EYS: variants seen among roughly 807,000 people sequenced by gnomAD.
The protein encoded by EYS is EGF-like photoreceptor maintenance factor.
EYS carries 250 observed loss-of-function variants against 282.1 expected under a neutral mutation model. That is an observed-to-expected ratio of 0.89 (90% CI 0.80 to 0.98). The LOEUF (loss-of-function observed/expected upper bound fraction) is 0.98, where lower values mean the gene tolerates loss of function less well. EYS is among the 50% of genes least tolerant of loss of function. The probability of loss-of-function intolerance (pLI) is 0.00; values close to 1 mark genes in which losing one functional copy is unlikely to be tolerated. For missense variants in EYS, 4,016 were observed against 3,709.0 expected, an observed-to-expected ratio of 1.08 and a Z score of -2.15; for synonymous variants, 1,355 against 1,282.9, an observed-to-expected ratio of 1.06 and a Z score of -1.20.
At chr6:64,977,518 C>T (rs72875932) in intron 14 of EYS, among the ~76,000 whole-genome samples, 10,261 of 151,886 alleles carry the variant, frequency 0.068, 442 homozygotes, top group East Asian at 0.13. Flanking sequence ...ACAATGACCT[C>T]TAAGTGATCA....
At chr6:64,034,602 C>A (rs947325563) in intron 33 of EYS, among the ~76,000 whole-genome samples, 23 of 152,118 alleles carry the variant, frequency 1.5e-4, no homozygotes, top group Non-Finnish European at 2.9e-4. Flanking sequence ...CAATTAACTC[C>A]CAGTCTGTGG....
At chr6:63,871,534 T>C (rs956942676) in intron 35 of EYS, among the ~76,000 whole-genome samples, 23 of 152,188 alleles carry the variant, frequency 1.5e-4, no homozygotes, top group African/African-American at 3.9e-4. Flanking sequence ...TGGTGGCACA[T>C]GCCTGTAATT....
intron 33 of EYS, among the ~76,000 whole-genome samples, chr6:64,043,178 A>T (rs1039754660): frequency 6.6e-6 from 1 of 152,206 alleles, no homozygotes; most frequent in African/African-American, 2.4e-5. Flanking sequence ...ATAAAATACC[A>T]TTTTCACCTA....
At chr6:64,735,186 C>T (rs894158582) in intron 22 of EYS, among the ~76,000 whole-genome samples, 2 of 152,172 alleles carry the variant, frequency 1.3e-5, no homozygotes, top group East Asian at 1.9e-4. Context: ...CGGGTTCACG[C>T]CATTCTCCTG....
chr6:64,811,431 A>AG (rs952386644), intron 22 of EYS, among the ~76,000 whole-genome samples: 2 of 151,706 alleles, frequency 1.3e-5, no homozygotes, highest in African/African-American at 4.8e-5. Context: ...TAAAAAAAAA[A>AG]AAAATCAGCC....
In EYS at chr6:64,690,438, T is replaced by C. The variant is rs564435159; in HGVS notation, c.3444-64193A>G. ...AGTGTGGCGATTCCTCAAGGATCTATAACTAGAAATACCATTTGACCCAAA... is the reference window on the plus strand; with the variant it reads ...AGTGTGGCGATTCCTCAAGGATCTACAACTAGAAATACCATTTGACCCAAA... On this transcript the variant is annotated intron_variant, in intron 22 of 42. Coordinates refer to ENST00000503581, the MANE Select transcript of EYS (RefSeq NM_001142800.2). 1.1e-4 allele frequency among the ~76,000 whole-genome samples: 16 copies of C among 152,202 alleles called. No homozygotes were observed. The South Asian group carries it at 3.1e-3, about 30-fold the overall frequency.
chr6:64,215,373 A>G (rs1261925598), intron 31 of EYS, among the ~76,000 whole-genome samples: 2 of 152,046 alleles, frequency 1.3e-5, no homozygotes, highest in Non-Finnish European at 2.9e-5. Context: ...TTGATTTACA[A>G]AAGAAGCGAA....
intron 30 of EYS, among the ~76,000 whole-genome samples, chr6:64,296,573 TATATATATATACATATA>T (rs1769012903): frequency 1.8e-3 from 14 of 7,928 alleles, no homozygotes; most frequent in African/African-American, 6.4e-3. Context: ...TATATATATA[TATATATATATACATATA>T]TATATATATT....
At chr6:63,912,973 TACAGTGAGGTTAGCAG>T (rs1178463292) in intron 35 of EYS, among the ~76,000 whole-genome samples, 4 of 151,510 alleles carry the variant, frequency 2.6e-5, no homozygotes, top group African/African-American at 9.6e-5. Flanking sequence ...AATGGACTAA[TACAGTGAGGTTAGCAG>T]ATACTGTGTT....
At chr6:65,263,463 C>A (rs1156696418) in intron 12 of EYS, among the ~76,000 whole-genome samples, 1 of 151,864 alleles carries the variant, frequency 6.6e-6, no homozygotes, top group Non-Finnish European at 1.5e-5. Context: ...TGTTATTACC[C>A]TTTACATAAA....
At chr6:65,088,685 T>G (rs1774458771) in intron 12 of EYS, among the ~76,000 whole-genome samples, 2 of 152,154 alleles carry the variant, frequency 1.3e-5, no homozygotes, top group African/African-American at 4.8e-5. Context: ...TATAGAAATT[T>G]GCATAAGTAA....
intron 19 of EYS, among the ~76,000 whole-genome samples, chr6:64,868,023 T>TAAAATATA (rs1766477449): frequency 6.6e-6 from 1 of 151,428 alleles, no homozygotes; most frequent in African/African-American, 2.4e-5. Flanking sequence ...TCTAATACCA[T>TAAAATATA]GGATTGTTCG....
chr6:63,800,525 C>T (rs1035601024), intron 37 of EYS, among the ~76,000 whole-genome samples: 4 of 152,122 alleles, frequency 2.6e-5, no homozygotes, highest in South Asian at 2.1e-4. Context: ...AGAGGCTGGG[C>T]GCGGAGTGGC....
chr6:63,810,610 G>T (rs2149681001), intron 36 of EYS, among the ~76,000 whole-genome samples: 1 of 152,190 alleles, frequency 6.6e-6, no homozygotes, highest in East Asian at 1.9e-4. Context: ...TCACTTTTCT[G>T]TTTTAGTTTC....
In EYS at chr6:64,731,097, C is replaced by T. The variant is rs180773197; in HGVS notation, c.3443+82281G>A. On this transcript the variant is annotated intron_variant, in intron 22 of 42. Transcript: ENST00000503581. ...AAAAATAAAGCATAATGAAACTGGACCCCTTCCTTATACCTTATACAAAAA... is the reference window on the plus strand; with the variant it reads ...AAAAATAAAGCATAATGAAACTGGATCCCTTCCTTATACCTTATACAAAAA... 103 of 152,156 alleles carry T rather than the reference C, an allele frequency of 6.8e-4. 1 individual carries two copies. The highest frequency in any genetic ancestry group is 2.2e-3 in the African/African-American group (91 of 41,512). 9.4% of individuals were successfully genotyped at this position (152,156 alleles called of 1,614,324 possible). A position where few individuals can be genotyped will look rare whatever the true frequency, so the allele number is the denominator to read the frequency against.
chr6:64,539,117 G>T (rs1299205354), intron 26 of EYS, among the ~76,000 whole-genome samples: 2 of 152,186 alleles, frequency 1.3e-5, no homozygotes, highest in African/African-American at 4.8e-5. Context: ...TGTTGCAGTT[G>T]TTGTTTAATG....
At position 64,742,966 on chromosome 6, in the gene EYS, C is replaced by T. The variant is rs868168793; in HGVS notation, c.3443+70412G>A. On this transcript the variant is annotated intron_variant, in intron 22 of 42. Coordinates refer to ENST00000503581, the MANE Select transcript of EYS (RefSeq NM_001142800.2). ...AAATAAGAAAATTTAGTAGTGAATA[C>T]GGAAGACTTAAGATTAAAGGATTTA... Among the ~76,000 whole-genome samples the T allele has an allele frequency of 1.6e-4, 24 of 152,148 alleles. 1 individual carries two copies. The highest frequency in any genetic ancestry group is 5.1e-4 in the African/African-American group (21 of 41,516).
chr6:64,927,256 A>G (rs1768547453), intron 15 of EYS, among the ~76,000 whole-genome samples: 1 of 152,158 alleles, frequency 6.6e-6, no homozygotes, highest in South Asian at 2.1e-4. Context: ...TTTGTTTGTC[A>G]GCTGGCTTAT....
At chr6:64,571,297 T>C (rs367873589) in intron 26 of EYS, among the ~76,000 whole-genome samples, 1 of 152,306 alleles carries the variant, frequency 6.6e-6, no homozygotes, top group East Asian at 1.9e-4. Context: ...GGGAAATTTA[T>C]ACCACTAAAT....
Sources: allele counts gnomAD v4.1 joint callset (sites outside exome capture counted in the v4.1 genomes callset), GRCh38; gene constraint gnomAD v4.1.1; transcripts MANE v1.5; gene names NCBI Gene and HGNC (gene_info 2026-07-23, HGNC 2026-07-21).